The following GRID2 variants were observed in gnomAD, a reference collection of about 807,000 sequenced individuals.
The protein encoded by GRID2 is glutamate receptor ionotropic, delta-2.
A neutral mutation model predicts 114.8 loss-of-function variants in GRID2; 33 were observed. The ratio of observed to expected loss-of-function variants is 0.29; its 90% CI spans 0.22 to 0.38. The LOEUF is 0.38. Among genes scored for constraint, GRID2 ranks in the 10% least tolerant of loss-of-function variants. The pLI, the probability that GRID2 is intolerant of heterozygous loss-of-function variation, is 1.00. For missense variants in GRID2, 1,184 were observed against 1,257.7 expected, an observed-to-expected ratio of 0.94 and a Z score of 0.89; for synonymous variants, 505 against 449.9, an observed-to-expected ratio of 1.12 and a Z score of -1.55.
intron 13 of GRID2, among the ~76,000 whole-genome samples, chr4:93,586,558 A>C (rs11938598): frequency 0.22 from 34,145 of 152,034 alleles, 4,190 homozygotes; most frequent in Middle Eastern, 0.35. Context: ...ACATACATAT[A>C]TTTGCATTAG....
At chr4:92,729,752 C>T (rs1425703676) in intron 2 of GRID2, among the ~76,000 whole-genome samples, 3 of 151,850 alleles carry the variant, frequency 2.0e-5, no homozygotes, top group Non-Finnish European at 2.9e-5. Context: ...CAGTGATTCA[C>T]CTTCAAATGT....
intron 1 of GRID2, among the ~76,000 whole-genome samples, chr4:92,568,647 G>T (rs1272015491): frequency 6.6e-6 from 1 of 151,910 alleles, no homozygotes; most frequent in South Asian, 2.1e-4. Flanking sequence ...ATGAGGGTTT[G>T]TTCTACAGAT....
chr4:92,384,732 A>G (rs1038450924), intron 1 of GRID2, among the ~76,000 whole-genome samples: 6 of 133,060 alleles, frequency 4.5e-5, no homozygotes, highest in Admixed American at 8.6e-5. Flanking sequence ...TAAATATTTT[A>G]CTTGCTGAAT....
intron 14 of GRID2, among the ~76,000 whole-genome samples, chr4:93,734,369 C>T (rs558613298): frequency 2.6e-4 from 40 of 151,918 alleles, no homozygotes; most frequent in African/African-American, 8.2e-4. Flanking sequence ...TTTATAAGAG[C>T]GTAAAATTAT....
intron 2 of GRID2, among the ~76,000 whole-genome samples, chr4:93,042,806 T>C (rs1305800709): frequency 6.6e-6 from 1 of 150,940 alleles, no homozygotes; most frequent in African/African-American, 2.4e-5. Flanking sequence ...AATAAATCAT[T>C]GATATTTTTA....
intron 14 of GRID2, among the ~76,000 whole-genome samples, chr4:93,696,655 T>C (rs1392365511): frequency 6.6e-6 from 1 of 152,222 alleles, no homozygotes; most frequent in Non-Finnish European, 1.5e-5. Context: ...AACTCTCAAA[T>C]AATTGCCAAA....
chr4:93,522,426 TGTGA>T (rs1283571866), intron 13 of GRID2, among the ~76,000 whole-genome samples: 4 of 152,160 alleles, frequency 2.6e-5, no homozygotes, highest in African/African-American at 4.8e-5. Flanking sequence ...TCAGCATGAT[TGTGA>T]GTATTTGTCT....
intron 13 of GRID2, among the ~76,000 whole-genome samples, chr4:93,532,209 G>T (rs1731520673): frequency 1.3e-5 from 2 of 152,194 alleles, no homozygotes; most frequent in African/African-American, 4.8e-5. Flanking sequence ...CTAATTCAAT[G>T]AATACATGTA....
At chr4:93,633,588 A>C (rs879317831) in intron 14 of GRID2, among the ~76,000 whole-genome samples, 1 of 152,094 alleles carries the variant, frequency 6.6e-6, no homozygotes, top group African/African-American at 2.4e-5. Context: ...CAGCCAGATA[A>C]ACCTCTGTGC....
chr4:93,747,738 GT>G (rs916634543), intron 14 of GRID2, among the ~76,000 whole-genome samples: 14 of 147,374 alleles, frequency 9.5e-5, no homozygotes, highest in South Asian at 2.2e-4. Context: ...TGTCAATTTG[GT>G]TTTTTTTTTC....
chr4:92,385,900 G>GTGTATA (rs1004982973), intron 1 of GRID2, among the ~76,000 whole-genome samples: 2 of 61,130 alleles, frequency 3.3e-5, no homozygotes, highest in Non-Finnish European at 7.8e-5. Flanking sequence ...GTGTGTGTGT[G>GTGTATA]TATATATATA....
At chr4:93,275,730 C>G (rs1751984330) in intron 8 of GRID2, among the ~76,000 whole-genome samples, 1 of 151,802 alleles carries the variant, frequency 6.6e-6, no homozygotes, top group Non-Finnish European at 1.5e-5. Flanking sequence ...TAATAACAAG[C>G]ATCTTTTCCT....
chr4:93,795,401 C>A (rs1049453314), intron 1 of GRID2, among the ~76,000 whole-genome samples: 3 of 151,912 alleles, frequency 2.0e-5, no homozygotes, highest in Admixed American at 6.6e-5. Flanking sequence ...TACTTAATTT[C>A]CACCTTAATG....
chr4:93,750,226 A>G (rs1278394776), intron 14 of GRID2, among the ~76,000 whole-genome samples: 1 of 152,254 alleles, frequency 6.6e-6, no homozygotes, highest in Non-Finnish European at 1.5e-5. Flanking sequence ...AACAAAGCAC[A>G]AAATTATAAG....
intron 13 of GRID2, among the ~76,000 whole-genome samples, chr4:93,517,972 C>T (rs62319523): frequency 2.4e-5 from 1 of 41,556 alleles, no homozygotes; most frequent in Non-Finnish European, 6.3e-5. Flanking sequence ...TATATACATA[C>T]ATGTACATGT....
At position 92,443,269 on chromosome 4, in the gene GRID2, C is replaced by T. The variant is rs554418099; in HGVS notation, c.88+138525C>T. On this transcript the variant is annotated intron_variant, in intron 1 of 15. Transcript: ENST00000282020. ...TTGCAGGATGGAAAAATTCAAAGTG[C>T]CATTTTCTGGCTATTTGGAACTACT... 2.0e-4 allele frequency among the ~76,000 whole-genome samples: 31 copies of T among 152,202 alleles called. No homozygotes were observed. In the East Asian group the frequency reaches 3.7e-3, roughly 18 times the overall value.
chr4:92,671,629 T>A (rs548071789), intron 2 of GRID2, among the ~76,000 whole-genome samples: 1 of 152,100 alleles, frequency 6.6e-6, no homozygotes, highest in Non-Finnish European at 1.5e-5. Context: ...GGAATAGATT[T>A]TTGTCAGCTG....
chr4:93,226,518 C>G (rs940302040), intron 7 of GRID2, among the ~76,000 whole-genome samples: 1 of 152,192 alleles, frequency 6.6e-6, no homozygotes, highest in Non-Finnish European at 1.5e-5. Flanking sequence ...TTTCTGGATA[C>G]GCTGAGACAG....
At chr4:93,644,373 G>C (rs1721911286) in intron 14 of GRID2, among the ~76,000 whole-genome samples, 2 of 152,020 alleles carry the variant, frequency 1.3e-5, no homozygotes, top group South Asian at 2.1e-4. Context: ...TTTTACCAAT[G>C]TTCCATGAGC....
Sources: allele counts gnomAD v4.1 joint callset (sites outside exome capture counted in the v4.1 genomes callset), GRCh38; gene constraint gnomAD v4.1.1; transcripts MANE v1.5; gene names NCBI Gene and HGNC (gene_info 2026-07-23, HGNC 2026-07-21).